The following PCDHAC1 variants were observed in gnomAD, a reference collection of about 807,000 sequenced individuals.
PCDHAC1 encodes the protein protocadherin alpha subfamily C, 1.
PCDHAC1 carries 42 observed loss-of-function variants against 60.0 expected under a neutral mutation model. The ratio of observed to expected loss-of-function variants is 0.70; its 90% CI spans 0.55 to 0.90. The LOEUF (loss-of-function observed/expected upper bound fraction) is 0.90, where lower values mean the gene tolerates loss of function less well. Among genes scored for constraint, PCDHAC1 ranks in the 40% least tolerant of loss-of-function variants. PCDHAC1 has a pLI of 0.00. For synonymous variants in PCDHAC1, 468 were observed against 499.3 expected, an observed-to-expected ratio of 0.94 and a Z score of 0.84; for missense variants, 1,160 against 1,222.3, an observed-to-expected ratio of 0.95 and a Z score of 0.76.
chr5:140,927,127 G>C lies in PCDHAC1; in HGVS notation c.235G>C (p.Glu79Gln), dbSNP rs1202029150. 6.2e-7 allele frequency: 1 copy of C among 1,613,964 alleles called. No homozygotes were observed. Among genetic ancestry groups the C allele is most frequent in the Non-Finnish European group, 8.5e-7 (1 of 1,179,984 alleles). Residue 79 changes from glutamate to glutamine, a missense_variant, in exon 1 of 4, where the codon GAG (glutamate) becomes CAG (glutamine). Physicochemically the swap from Glu to Gln is conservative, Grantham distance 29. This residue lies in a region of PCDHAC1 where 1,113 missense variants were observed against 1,163.7 expected (regional missense o/e 0.96). Coordinates refer to ENST00000253807, the MANE Select transcript of PCDHAC1 (RefSeq NM_018898.5). The part of the protein sequence containing the change: ...DLPSGNLVVR[E>Q]PADREQLCRA... ...ACCCAGCGGCAATTTGGTGGTCAGA[G>C]AGCCGGCGGACCGCGAACAGCTGTG...
intron 3 of PCDHAC1, among the ~76,000 whole-genome samples, chr5:141,009,392 G>A (rs1016452113): frequency 2.6e-5 from 4 of 152,184 alleles, no homozygotes; most frequent in Non-Finnish European, 4.4e-5. Flanking sequence ...ACAGGAGGTC[G>A]AGGCTGCAGT....
intron 1 of PCDHAC1, chr5:140,968,393 C>T (rs747934843): frequency 1.8e-5 from 29 of 1,613,976 alleles, no homozygotes; most frequent in East Asian, 2.2e-5. Context: ...TGAGAAGTTT[C>T]GGGAGTTCTT....
At chr5:140,947,530 CAATTTCTACAAAG>C (rs2094141786) in intron 1 of PCDHAC1, among the ~76,000 whole-genome samples, 1 of 151,588 alleles carries the variant, frequency 6.6e-6, no homozygotes, top group African/African-American at 2.4e-5. Flanking sequence ...ATCAACTTTT[CAATTTCTACAAAG>C]AATTCCGCTG....
intron 1 of PCDHAC1, among the ~76,000 whole-genome samples, chr5:140,943,273 A>G (rs1451221832): frequency 1.3e-5 from 2 of 150,472 alleles, no homozygotes; most frequent in East Asian, 1.9e-4. Flanking sequence ...AAAAAAAAAA[A>G]AAAAGAAAGA....
In PCDHAC1 at chr5:140,927,236, T is replaced by G; in HGVS notation, c.344T>G (p.Leu115Arg). The G allele has an allele frequency of 6.2e-7, 1 of 1,614,120 alleles. No homozygotes were observed. The highest frequency in any genetic ancestry group is 8.5e-7 in the Non-Finnish European group (1 of 1,180,022). Residue 115 changes from leucine to arginine, a missense_variant, in exon 1 of 4, where the codon CTG becomes CGG. By Grantham distance (102) the Leu-to-Arg change is moderately radical. Around this residue, in one of 3 missense-constraint regions of PCDHAC1, gnomAD observed 1,113 missense variants for 1,163.7 expected, o/e 0.96. Transcript: ENST00000253807. ...CTGCACAAGATTCGGATTCACGTCCTGGACACCAATGACAACTCACCTCTC... is the reference window on the plus strand; with the variant it reads ...CTGCACAAGATTCGGATTCACGTCCGGGACACCAATGACAACTCACCTCTC... ...LELHKIRIHV[L>R]DTNDNSPLFP... is the part of the protein sequence containing the mutation.
chr5:141,000,192 T>C lies in PCDHAC1; in HGVS notation c.2582-9435T>C, dbSNP rs112948047. 6.4e-3 allele frequency among the ~76,000 whole-genome samples: 968 copies of C among 151,888 alleles called. 13 individuals carry two copies. Among genetic ancestry groups the C allele is most frequent in the African/African-American group, 0.023 (941 of 41,384 alleles). ...TTGAGCCAAGGAGTCAATGTGAGAA[T>C]AGTTTTTCACCTTCATTATCAAATG... On this transcript the variant is annotated intron_variant, in intron 3 of 3. Coordinates refer to ENST00000253807, the MANE Select transcript of PCDHAC1 (RefSeq NM_018898.5).
chr5:140,981,335 AG>A (rs2096927378), intron 2 of PCDHAC1, among the ~76,000 whole-genome samples: 3 of 152,168 alleles, frequency 2.0e-5, no homozygotes, highest in Non-Finnish European at 4.4e-5. Context: ...GCACTTTGGG[AG>A]GGTGAGGCAG....
At chr5:140,936,112 C>T (rs782017334) in intron 1 of PCDHAC1, among the ~76,000 whole-genome samples, 2 of 152,008 alleles carry the variant, frequency 1.3e-5, no homozygotes, top group Non-Finnish European at 2.9e-5. Context: ...AGGCTGGTCT[C>T]GAACTCCTGA....
At chr5:140,977,097 G>T (rs988046010) in intron 1 of PCDHAC1, among the ~76,000 whole-genome samples, 2 of 152,222 alleles carry the variant, frequency 1.3e-5, no homozygotes, top group African/African-American at 4.8e-5. Flanking sequence ...GTGTCATTGG[G>T]GAAGTGAGAT....
At position 140,928,860 on chromosome 5, in the gene PCDHAC1, G is replaced by T; in HGVS notation, c.1968G>T (p.Leu656Phe). ...CCTCTGTCACTCTGGGTGTGCTGTT[G>T]AGCAACTCTGTCCCTCAGTTACTTC... ...LSSSVTLGVL[L>F]SNSVPQLLPD... Residue 656 changes from leucine (L) to phenylalanine (F), a missense_variant, in exon 1 of 4, where the codon TTG becomes TTT. Leu to Phe is a conservative substitution (Grantham distance 22). Around this residue, in one of 3 missense-constraint regions of PCDHAC1, gnomAD observed 1,113 missense variants for 1,163.7 expected, o/e 0.96. Transcript: ENST00000253807. 5.0e-6 allele frequency: 8 copies of T among 1,614,154 alleles called. No homozygotes were observed. Among genetic ancestry groups the T allele is most frequent in the Non-Finnish European group, 6.8e-6 (8 of 1,180,034 alleles).
chr5:140,979,898 G>A (rs1253481087), intron 2 of PCDHAC1, among the ~76,000 whole-genome samples: 2 of 152,212 alleles, frequency 1.3e-5, no homozygotes, highest in Non-Finnish European at 1.5e-5. Context: ...ACCAAACTTA[G>A]ATCAGTTCGT....
chr5:140,994,483 G>A (rs1356969213), intron 3 of PCDHAC1, among the ~76,000 whole-genome samples: 1 of 152,062 alleles, frequency 6.6e-6, no homozygotes, highest in East Asian at 1.9e-4. Context: ...CGGGTGGATT[G>A]CCTGAACCCA....
At chr5:140,933,184 G>T (rs1459868769) in intron 1 of PCDHAC1, among the ~76,000 whole-genome samples, 4 of 149,618 alleles carry the variant, frequency 2.7e-5, no homozygotes, top group African/African-American at 4.9e-5. Flanking sequence ...ATAAGATAAT[G>T]GTTCAGGATA....
chr5:140,968,802 C>T, intron 1 of PCDHAC1: 1 of 1,614,218 alleles, frequency 6.2e-7, no homozygotes. Flanking sequence ...ATTACAGTAG[C>T]TGTGGTGGAT....
intron 3 of PCDHAC1, among the ~76,000 whole-genome samples, chr5:140,983,386 A>G (rs1426409765): frequency 2.6e-5 from 4 of 152,216 alleles, no homozygotes. Context: ...TCGCTGTGGC[A>G]GTTTTCAGAA....
intron 1 of PCDHAC1, among the ~76,000 whole-genome samples, chr5:140,972,578 C>A (rs1554234223): frequency 6.6e-6 from 1 of 151,798 alleles, no homozygotes; most frequent in Non-Finnish European, 1.5e-5. Flanking sequence ...GGCAATAGGG[C>A]AGAATTTCTC....
At chr5:140,930,003 A>G (rs1440351209) in intron 1 of PCDHAC1, 1 of 152,218 alleles carries the variant, frequency 6.6e-6, no homozygotes, top group Non-Finnish European at 1.5e-5. Flanking sequence ...ACCCTAAAAC[A>G]TAGCTGATAG....
intron 1 of PCDHAC1, among the ~76,000 whole-genome samples, chr5:140,959,348 G>A (rs991931151): frequency 7.2e-5 from 11 of 151,992 alleles, no homozygotes; most frequent in Middle Eastern, 6.3e-3. Flanking sequence ...GCACTCCAGC[G>A]GGACAACTGA....
intron 1 of PCDHAC1, among the ~76,000 whole-genome samples, chr5:140,951,795 C>T (rs2094636851): frequency 6.6e-6 from 1 of 152,166 alleles, no homozygotes; most frequent in African/African-American, 2.4e-5. Context: ...ACAATTATCC[C>T]TTCCCAATGG....
Sources: gnomAD v4.1 joint callset for allele counts (sites outside exome capture counted in the v4.1 genomes callset) on GRCh38, gnomAD v4.1.1 for gene constraint, gnomAD v4.1.1 regional missense constraint, MANE v1.5 for transcripts, NCBI Gene and HGNC (gene_info 2026-07-23, HGNC 2026-07-21) for gene names.